Variants in FAM216A observed in about 807,000 individuals in gnomAD.
FAM216A encodes family with sequence similarity 216 member A, also known as protein FAM216A.
A neutral mutation model predicts 37.6 loss-of-function variants in FAM216A; 26 were observed. The observed-to-expected ratio is 0.69, with a 90% confidence interval of 0.51 to 0.96. The LOEUF (loss-of-function observed/expected upper bound fraction) is 0.96. FAM216A is among the 40% of genes least tolerant of loss of function. The pLI, the probability that FAM216A is intolerant of heterozygous loss-of-function variation, is 0.00. For synonymous variants in FAM216A, 110 were observed against 121.7 expected (o/e 0.90, Z 0.64); for missense variants, 326 against 339.3 (o/e 0.96, Z 0.31).
chr12:110,474,823 G>A (rs2135543668), intron 2 of FAM216A, among the ~76,000 whole-genome samples: 1 of 150,000 alleles, frequency 6.7e-6, no homozygotes, highest in East Asian at 2.0e-4. Flanking sequence ...CCAACATAGA[G>A]AAACCCCGTC....
In FAM216A at chr12:110,486,662, G is replaced by A; in HGVS notation, c.565G>A (p.Ala189Thr). ...GTCTTCTGATATCGCAGCTGCATCT[G>A]CACCTGAAATGCTCATACAGCATTC... is the stretch of plus-strand genomic sequence containing the variant. ...SGSSDIAAASAPEMLIQHSLW... is the reference protein window; with the variant it reads ...SGSSDIAAASTPEMLIQHSLW... The change falls in exon 5 of 7, where the codon GCA becomes ACA. Residue 189 changes from alanine (A) to threonine (T), a missense_variant. Transcript: ENST00000377673. 6.2e-7 allele frequency: 1 copy of A among 1,614,128 alleles called. No individual in the cohort carries two copies. Among genetic ancestry groups the A allele is most frequent in the Non-Finnish European group, 8.5e-7 (1 of 1,180,028 alleles).
At chr12:110,476,357 G>A (rs1039771267) in intron 2 of FAM216A, among the ~76,000 whole-genome samples, 2 of 151,572 alleles carry the variant, frequency 1.3e-5, no homozygotes, top group Non-Finnish European at 2.9e-5. Context: ...CCACCACCAC[G>A]CCCCGCTAAT....
chr12:110,473,662 CTG>C (rs2135542483), intron 2 of FAM216A, among the ~76,000 whole-genome samples: 1 of 152,284 alleles, frequency 6.6e-6, no homozygotes, highest in South Asian at 2.1e-4. Flanking sequence ...CCTAAAAGAA[CTG>C]TATTTATAGC....
At chr12:110,479,891 A>G (rs1466026133) in intron 2 of FAM216A, among the ~76,000 whole-genome samples, 1 of 151,922 alleles carries the variant, frequency 6.6e-6, no homozygotes, top group Non-Finnish European at 1.5e-5. Context: ...CCTAGTAGTT[A>G]ATTAGAGATC....
At chr12:110,485,759 T>C (rs2062773633) in intron 3 of FAM216A, among the ~76,000 whole-genome samples, 1 of 152,206 alleles carries the variant, frequency 6.6e-6, no homozygotes. Flanking sequence ...TACCATGTAT[T>C]CAGTAAAGTA....
intron 3 of FAM216A, among the ~76,000 whole-genome samples, chr12:110,485,654 C>T (rs1019162246): frequency 6.6e-6 from 1 of 152,116 alleles, no homozygotes; most frequent in Non-Finnish European, 1.5e-5. Flanking sequence ...ACAATGGTTA[C>T]CTGTATCCCA....
intron 1 of FAM216A, 66 bp downstream of exon 1, chr12:110,469,084 C>G (rs1465278203): frequency 7.4e-7 from 1 of 1,357,924 alleles, no homozygotes; most frequent in South Asian, 1.8e-5. Flanking sequence ...GCCCCCGGGT[C>G]GTGAGCCCCG....
At chr12:110,476,593 C>T (rs2062716183) in intron 2 of FAM216A, among the ~76,000 whole-genome samples, 1 of 151,300 alleles carries the variant, frequency 6.6e-6, no homozygotes, top group Admixed American at 6.6e-5. Flanking sequence ...GTTGCACAAT[C>T]TTGGCTCACC....
At chr12:110,479,146 A>G (rs562312368) in intron 2 of FAM216A, among the ~76,000 whole-genome samples, 5 of 151,578 alleles carry the variant, frequency 3.3e-5, no homozygotes, top group Admixed American at 6.6e-5. Flanking sequence ...CCTGGGCAAC[A>G]GAGCGAGACT....
intron 5 of FAM216A, chr12:110,487,428 C>G (rs1367079394): frequency 6.4e-6 from 1 of 156,934 alleles, no homozygotes; most frequent in African/African-American, 2.4e-5. Flanking sequence ...AGCCACCATG[C>G]CTAGCCGAGA....
chr12:110,489,117 GA>G (rs2062794446), intron 6 of FAM216A, among the ~76,000 whole-genome samples: 2 of 152,200 alleles, frequency 1.3e-5, no homozygotes, highest in African/African-American at 4.8e-5. Flanking sequence ...AAGACAGACC[GA>G]ATGATCAGAA....
intron 2 of FAM216A, among the ~76,000 whole-genome samples, chr12:110,480,576 A>C (rs1460976811): frequency 1.3e-5 from 2 of 151,360 alleles, no homozygotes; most frequent in African/African-American, 4.8e-5. Flanking sequence ...TCAGCCTCCC[A>C]AAGTGCTGGG....
intron 3 of FAM216A, among the ~76,000 whole-genome samples, chr12:110,486,065 C>T (rs747208013): frequency 1.3e-5 from 2 of 152,178 alleles, no homozygotes; most frequent in Non-Finnish European, 2.9e-5. Context: ...ACAGCAGATT[C>T]GCTCTTTCCT....
intron 1 of FAM216A, among the ~76,000 whole-genome samples, chr12:110,471,399 TA>T (rs1327948197): frequency 6.6e-6 from 1 of 152,146 alleles, no homozygotes; most frequent in Non-Finnish European, 1.5e-5. Flanking sequence ...TTTTTTTCTT[TA>T]AAGTCAGGTT....
At chr12:110,484,982 G>A (rs553230968) in intron 2 of FAM216A, 96 bp from the exon 3 acceptor site, 2 of 1,309,176 alleles carry the variant, frequency 1.5e-6, no homozygotes, top group African/African-American at 1.5e-5. Flanking sequence ...TTACAGGCGT[G>A]AGCCACCACA....
intron 2 of FAM216A, among the ~76,000 whole-genome samples, chr12:110,481,375 C>T (rs970380850): frequency 6.6e-6 from 1 of 152,172 alleles, no homozygotes; most frequent in African/African-American, 2.4e-5. Flanking sequence ...GAGTCAGTCT[C>T]ACTCTGTCAC....
chr12:110,486,211 T>C (rs2062775682), intron 3 of FAM216A, 114 bp from the exon 4 acceptor site: 2 of 1,151,798 alleles, frequency 1.7e-6, no homozygotes, highest in Non-Finnish European at 2.4e-6. Flanking sequence ...TTGAATTTGC[T>C]AAAGTAAAAT....
In FAM216A at chr12:110,490,094, C is replaced by G; in HGVS notation, c.779C>G (p.Ser260Ter). 1 of 1,574,288 alleles carries G rather than the reference C, an allele frequency of 6.4e-7. No homozygotes were observed. Among genetic ancestry groups the G allele is most frequent in the Non-Finnish European group, 8.7e-7 (1 of 1,143,810 alleles). Residue 260 changes from serine (S) to a stop codon, truncating the protein, a stop_gained, in exon 7 of 7, where the codon TCA becomes TGA. Coordinates refer to ENST00000377673, the MANE Select transcript of FAM216A (RefSeq NM_013300.3). LOFTEE classifies it high-confidence loss of function. ...GATTTACTAAATAATTTTATGCAAT[C>G]AATGTCAATTGAAGAACAGGGAGAA... The part of the protein sequence containing the change: ...EEDLLNNFMQ[S>*]MSIEEQGEHL...
At position 110,470,319 on chromosome 12, in the gene FAM216A, C is replaced by T. The variant is rs1592973374; in HGVS notation, c.143+1301C>T. On this transcript the variant is annotated intron_variant, in intron 1 of 6. Transcript: ENST00000377673. ...TTCACCGTGTTAGCCAGGATGGTCT[C>T]GATCTCCTGACCTCGTGATCCGCCC... Among the ~76,000 whole-genome samples the T allele has an allele frequency of 1.3e-5, 2 of 151,906 alleles. 1 individual carries two copies. The highest frequency in any genetic ancestry group is 3.9e-4 in the East Asian group (2 of 5,166).
Sources: allele counts gnomAD v4.1 joint callset (sites outside exome capture counted in the v4.1 genomes callset), GRCh38; gene constraint gnomAD v4.1.1; transcripts MANE v1.5; gene names NCBI Gene and HGNC (gene_info 2026-07-23, HGNC 2026-07-21).